The following PHYHD1 variants were observed in gnomAD, a reference collection of about 807,000 sequenced individuals.
The protein encoded by PHYHD1 is phytanoyl-CoA dioxygenase domain-containing protein 1.
In PHYHD1, 42 loss-of-function variants were observed where a neutral mutation model predicts 43.6. That is an observed-to-expected ratio of 0.96 (90% CI 0.75 to 1.25). PHYHD1 has a LOEUF of 1.25. Among genes scored for constraint, PHYHD1 ranks in the 50% most tolerant of loss-of-function variants. PHYHD1 has a pLI of 0.00. For synonymous variants in PHYHD1, 139 were observed against 143.6 expected (o/e 0.97, Z 0.23); for missense variants, 342 against 370.8 (o/e 0.92, Z 0.64).
chr9:128,938,714 C>T lies in PHYHD1; in HGVS notation c.457+936C>T, dbSNP rs566046119. Among the ~76,000 whole-genome samples the T allele has an allele frequency of 1.6e-4, 21 of 132,126 alleles. 6 individuals carry two copies. The highest frequency in any genetic ancestry group is 1.4e-3 in the Admixed American group (17 of 11,986). 86.7% of individuals were successfully genotyped at this position (132,126 alleles called of 152,430 possible). ...CTGGGATTACAGGGATGAGCCACCGCGCCCGGCCCTGGAATCTGTATTTTT... is the reference window on the plus strand; with the variant it reads ...CTGGGATTACAGGGATGAGCCACCGTGCCCGGCCCTGGAATCTGTATTTTT... On this transcript the variant is annotated intron_variant, in intron 9 of 12. Transcript: ENST00000372592.
chr9:128,938,082 G>A (rs984185964), intron 9 of PHYHD1: 7 of 756,146 alleles, frequency 9.3e-6, no homozygotes, highest in East Asian at 4.0e-5. Flanking sequence ...AGAGGCGAGC[G>A]GATCACCTGA....
chr9:128,930,586 C>T (rs1292745300), intron 4 of PHYHD1, among the ~76,000 whole-genome samples: 5 of 148,776 alleles, frequency 3.4e-5, no homozygotes, highest in Non-Finnish European at 5.9e-5. Flanking sequence ...GAGCCAAGAT[C>T]GCGCTAATGC....
chr9:128,928,138 C>T (rs1286874442), intron 4 of PHYHD1, among the ~76,000 whole-genome samples: 1 of 152,178 alleles, frequency 6.6e-6, no homozygotes, highest in Non-Finnish European at 1.5e-5. Context: ...AATACAACAG[C>T]CGGAAGCCAT....
At chr9:128,928,726 A>G (rs1423970301) in intron 4 of PHYHD1, among the ~76,000 whole-genome samples, 3 of 152,020 alleles carry the variant, frequency 2.0e-5, no homozygotes, top group Non-Finnish European at 2.9e-5. Flanking sequence ...AAACAAAAAC[A>G]AAAAACTGAT....
At chr9:128,941,079 C>A (rs1841549367) in intron 11 of PHYHD1, among the ~76,000 whole-genome samples, 1 of 152,182 alleles carries the variant, frequency 6.6e-6, no homozygotes, top group Admixed American at 6.5e-5. Context: ...TGTTGGGCGG[C>A]CCTTTTTCTT....
chr9:128,938,468 G>T (rs897644260), intron 9 of PHYHD1, among the ~76,000 whole-genome samples: 1 of 152,078 alleles, frequency 6.6e-6, no homozygotes, highest in African/African-American at 2.4e-5. Context: ...GTCACCCAAG[G>T]TGGAGTACAA....
chr9:128,922,669 GA>G (rs895550664), intron 3 of PHYHD1, among the ~76,000 whole-genome samples: 7 of 152,350 alleles, frequency 4.6e-5, no homozygotes, highest in African/African-American at 1.7e-4. Context: ...CAGCGCCCAG[GA>G]GGGGGCGGGG....
intron 5 of PHYHD1, 69 bp downstream of exon 5, chr9:128,933,926 C>G (rs1366940389): frequency 1.2e-6 from 2 of 1,604,792 alleles, no homozygotes; most frequent in East Asian, 4.5e-5. Flanking sequence ...GGAATCTGCC[C>G]CCTGGGCTGG....
At chr9:128,926,945 T>C (rs1841152066) in intron 3 of PHYHD1, 93 bp from the exon 4 acceptor site, 3 of 1,561,884 alleles carry the variant, frequency 1.9e-6, no homozygotes, top group East Asian at 4.5e-5. Context: ...ACAAGATACC[T>C]GGTCCCACCT....
rs190459152 is a variant in PHYHD1, at chr9:128,933,160, T to C, written c.193-622T>C. On this transcript the variant is annotated intron_variant, in intron 4 of 12. Transcript: ENST00000372592. ...GCCACTGCACCCAGACTTTTTTTTT[T>C]TTTTTTTTTTTTGAGACAGAGTCTC... Among the ~76,000 whole-genome samples, 332 of 145,822 alleles carry C rather than the reference T, an allele frequency of 2.3e-3. 2 individuals are homozygous for C. The highest frequency in any genetic ancestry group is 7.9e-3 in the African/African-American group (313 of 39,516).
chr9:128,936,391 G>A, intron 6 of PHYHD1, 57 bp from the exon 7 acceptor site: 1 of 1,569,720 alleles, frequency 6.4e-7, no homozygotes, highest in Non-Finnish European at 8.6e-7. Context: ...CCCAGAGCTG[G>A]GTGTGGAGGG....
intron 8 of PHYHD1, 133 bp downstream of exon 8, chr9:128,936,778 C>T (rs1841433919): frequency 9.1e-7 from 1 of 1,093,126 alleles, no homozygotes; most frequent in Non-Finnish European, 1.3e-6. Context: ...AATCGGTCTC[C>T]TCTGGCTAAA....
At position 128,939,578 on chromosome 9, in the gene PHYHD1, C is replaced by CA. The variant is rs1288295049; in HGVS notation, c.458-777dup. Reference sequence around the variant, plus strand: ...TGGGCGACAGAGCCAGACTCCGTCTCAAAAAAAAAAAAAATAATAATAATA... The same window carrying CA: ...TGGGCGACAGAGCCAGACTCCGTCTCAAAAAAAAAAAAAAATAATAATAATA... On this transcript the variant is annotated intron_variant, in intron 9 of 12. Transcript: ENST00000372592. Among the ~76,000 whole-genome samples the CA allele has an allele frequency of 4.4e-3, 401 of 91,432 alleles. 26 individuals are homozygous for CA. Among genetic ancestry groups the CA allele is most frequent in the South Asian group, 9.8e-3 (26 of 2,650 alleles). 60.0% of individuals were successfully genotyped at this position (91,432 alleles called of 152,430 possible).
intron 4 of PHYHD1, among the ~76,000 whole-genome samples, 185 bp downstream of exon 4, chr9:128,927,381 T>C (rs1020019749): frequency 6.6e-6 from 1 of 151,986 alleles, no homozygotes; most frequent in Non-Finnish European, 1.5e-5. Flanking sequence ...TTTTTTTTTT[T>C]CTTTTTTCTT....
chr9:128,922,752 C>T (rs557383054), intron 3 of PHYHD1, among the ~76,000 whole-genome samples: 1 of 152,354 alleles, frequency 6.6e-6, no homozygotes, highest in African/African-American at 2.4e-5. Flanking sequence ...TAGTGTGCAA[C>T]AGCCTTTTAA....
intron 3 of PHYHD1, among the ~76,000 whole-genome samples, chr9:128,923,753 G>C (rs1841062529): frequency 1.3e-5 from 2 of 152,144 alleles, no homozygotes; most frequent in Non-Finnish European, 2.9e-5. Flanking sequence ...GTGATGCCAA[G>C]GTGGGAGGAT....
chr9:128,932,657 G>GCCTGGTTGGTCAGTTCTATTATTATTC (rs1564540625), intron 4 of PHYHD1, among the ~76,000 whole-genome samples: 1 of 67,004 alleles, frequency 1.5e-5, no homozygotes, highest in Admixed American at 1.6e-4. Flanking sequence ...GTGAGCCACT[G>GCCTGGTTGGTCAGTTCTATTATTATTC]CACCCAGCAA....
chr9:128,932,971 C>G (rs1042652083), intron 4 of PHYHD1, among the ~76,000 whole-genome samples: 4 of 151,326 alleles, frequency 2.6e-5, no homozygotes, highest in African/African-American at 9.7e-5. Context: ...TCTCAGCCTC[C>G]GGAGTAGCTG....
At chr9:128,927,370 C>G (rs1204559375) in intron 4 of PHYHD1, among the ~76,000 whole-genome samples, 174 bp downstream of exon 4, 1 of 146,932 alleles carries the variant, frequency 6.8e-6, no homozygotes, top group Non-Finnish European at 1.5e-5. Context: ...CTTTATTGTC[C>G]TTTTTTTTTT....
Sources: allele counts gnomAD v4.1 joint callset (sites outside exome capture counted in the v4.1 genomes callset), GRCh38; gene constraint gnomAD v4.1.1; transcripts MANE v1.5; gene names NCBI Gene and HGNC (gene_info 2026-07-23, HGNC 2026-07-21).